The following NREP variants were observed in gnomAD, a reference collection of about 807,000 sequenced individuals.
NREP encodes neuronal regeneration-related protein.
In NREP, 5 loss-of-function variants were observed where a neutral mutation model predicts 8.6. That is an observed-to-expected ratio of 0.58 (90% CI 0.30 to 1.22). The LOEUF is 1.22. NREP is among the 50% of genes most tolerant of loss of function. The pLI is 0.07. For synonymous variants in NREP, 27 were observed against 28.0 expected (o/e 0.96, Z 0.11); for missense variants, 86 against 82.5 (o/e 1.04, Z -0.17).
At chr5:111,741,280 T>G (rs1410224665) in intron 2 of NREP, among the ~76,000 whole-genome samples, 1 of 152,176 alleles carries the variant, frequency 6.6e-6, no homozygotes, top group Non-Finnish European at 1.5e-5. Context: ...AAATAGTATG[T>G]GTCTGCATGT....
At chr5:111,838,290 A>G (rs1033626898) in intron 2 of NREP, among the ~76,000 whole-genome samples, 1 of 152,120 alleles carries the variant, frequency 6.6e-6, no homozygotes, top group African/African-American at 2.4e-5. Flanking sequence ...GTACATTTCA[A>G]GTGTTCAAAA....
rs139523991 is a variant in NREP, at chr5:111,956,658, C to T, written c.135+18616G>A. Reference sequence around the variant, plus strand: ...GTTATCCAGAAGTAAAGATGTGGGTCTTCATATTTAAAATGCCAATTAAGG... The same window carrying T: ...GTTATCCAGAAGTAAAGATGTGGGTTTTCATATTTAAAATGCCAATTAAGG... On this transcript the variant is annotated intron_variant, in intron 2 of 3. Coordinates refer to the NREP transcript ENST00000395634. Among the ~76,000 whole-genome samples, 602 of 152,048 alleles carry T rather than the reference C, an allele frequency of 4.0e-3. 3 individuals carry two copies. Among genetic ancestry groups the T allele is most frequent in the Non-Finnish European group, 6.5e-3 (445 of 67,984 alleles).
chr5:111,944,513 GC>G (rs913479984), intron 2 of NREP, among the ~76,000 whole-genome samples: 22 of 152,168 alleles, frequency 1.4e-4, no homozygotes, highest in Admixed American at 6.5e-4. Context: ...TTGCCATGTT[GC>G]CCAAGGTGGT....
intron 2 of NREP, among the ~76,000 whole-genome samples, chr5:111,973,344 C>T (rs1191606147): frequency 6.6e-6 from 1 of 152,104 alleles, no homozygotes; most frequent in Non-Finnish European, 1.5e-5. Context: ...ATCTCTTATC[C>T]ACACGCAACA....
intron 2 of NREP, among the ~76,000 whole-genome samples, chr5:111,884,790 A>C (rs1231138865): frequency 1.3e-5 from 2 of 152,100 alleles, no homozygotes; most frequent in African/African-American, 2.4e-5. Flanking sequence ...CGTGCTAAAA[A>C]CTCTCAATAA....
intron 1 of NREP, chr5:111,756,139 T>C (rs1581089157): frequency 2.8e-6 from 3 of 1,072,710 alleles, no homozygotes; most frequent in African/African-American, 1.6e-5. Flanking sequence ...GTGATAAAAA[T>C]AGATTGTTTT....
chr5:111,940,128 T>A (rs1440948524), intron 2 of NREP: 2 of 152,086 alleles, frequency 1.3e-5, no homozygotes, highest in African/African-American at 4.8e-5. Context: ...TCTACAAGAA[T>A]AGCACAGTAA....
At chr5:111,756,866 A>C (rs548447731) in intron 1 of NREP, among the ~76,000 whole-genome samples, 31 of 152,300 alleles carry the variant, frequency 2.0e-4, no homozygotes, top group African/African-American at 7.2e-4. Flanking sequence ...CCACACCAAC[A>C]AGCACAAAAC....
At chr5:111,852,678 A>G (rs1452391355) in intron 2 of NREP, among the ~76,000 whole-genome samples, 1 of 151,980 alleles carries the variant, frequency 6.6e-6, no homozygotes, top group African/African-American at 2.4e-5. Context: ...GGGGGTGTGT[A>G]TGTATTTTAC....
chr5:111,873,208 C>T (rs1019156640), intron 2 of NREP, among the ~76,000 whole-genome samples: 3 of 152,182 alleles, frequency 2.0e-5, no homozygotes, highest in Admixed American at 1.3e-4. Context: ...ATCTGCAAGT[C>T]AGAAGAATAA....
chr5:111,845,083 C>G (rs146384644), intron 2 of NREP, among the ~76,000 whole-genome samples: 17 of 151,976 alleles, frequency 1.1e-4, no homozygotes, highest in African/African-American at 4.1e-4. Context: ...CTGTTGCCTT[C>G]GGACTGCAAG....
chr5:111,834,002 A>C (rs1752835683), intron 2 of NREP, among the ~76,000 whole-genome samples: 1 of 152,160 alleles, frequency 6.6e-6, no homozygotes, highest in South Asian at 2.1e-4. Context: ...CCCTGTTATA[A>C]AAGATTCAAA....
At chr5:111,891,077 C>T (rs1754383138) in intron 2 of NREP, among the ~76,000 whole-genome samples, 1 of 152,188 alleles carries the variant, frequency 6.6e-6, no homozygotes, top group Non-Finnish European at 1.5e-5. Flanking sequence ...AATATAAGTT[C>T]CAACTTTAGG....
intron 2 of NREP, among the ~76,000 whole-genome samples, chr5:111,880,655 C>G (rs1199087017): frequency 6.6e-6 from 1 of 150,654 alleles, no homozygotes; most frequent in Non-Finnish European, 1.5e-5. Context: ...TTCTAAGGTA[C>G]TAGGGTTAGG....
In NREP at chr5:111,813,908, C is replaced by T. The variant is rs187476690; in HGVS notation, c.136-78401G>A. 4.2e-3 allele frequency among the ~76,000 whole-genome samples: 646 copies of T among 152,158 alleles called. 1 individual carries two copies. The highest frequency in any genetic ancestry group is 5.9e-3 in the Non-Finnish European group (404 of 67,936). On this transcript the variant is annotated intron_variant, in intron 2 of 3. Coordinates refer to the NREP transcript ENST00000395634. ...TATTCCAGATTCCAAAGATGTGGAACCTGCTATCCTTTTGTGTGCATACCC... is the reference window on the plus strand; with the variant it reads ...TATTCCAGATTCCAAAGATGTGGAATCTGCTATCCTTTTGTGTGCATACCC...
chr5:111,971,710 G>C (rs1404232164), intron 2 of NREP, among the ~76,000 whole-genome samples: 1 of 152,100 alleles, frequency 6.6e-6, no homozygotes, highest in Non-Finnish European at 1.5e-5. Flanking sequence ...TCATATCATA[G>C]ACAAAAGTAA....
intron 2 of NREP, among the ~76,000 whole-genome samples, chr5:111,841,971 C>T (rs184462610): frequency 4.0e-4 from 61 of 152,230 alleles, no homozygotes; most frequent in African/African-American, 1.3e-3. Flanking sequence ...TATGGGCCTA[C>T]TGGATGGAAA....
chr5:111,898,740 C>G (rs571399643), intron 2 of NREP, among the ~76,000 whole-genome samples: 1 of 152,254 alleles, frequency 6.6e-6, no homozygotes, highest in Admixed American at 6.5e-5. Flanking sequence ...ATATGCAGCT[C>G]AAGAATTCCT....
At chr5:111,796,977 G>T (rs1029448377) in intron 2 of NREP, among the ~76,000 whole-genome samples, 15 of 152,030 alleles carry the variant, frequency 9.9e-5, no homozygotes, top group Middle Eastern at 6.3e-3. Context: ...AACCAATGGG[G>T]CCCATACTGC....
Sources: allele counts gnomAD v4.1 joint callset (sites outside exome capture counted in the v4.1 genomes callset), GRCh38; gene constraint gnomAD v4.1.1; transcripts MANE v1.5; gene names NCBI Gene and HGNC (gene_info 2026-07-23, HGNC 2026-07-21).